MPP4: variants seen among roughly 807,000 people sequenced by gnomAD.
The protein encoded by MPP4 is MAGUK p55 subfamily member 4.
Under a neutral mutation model 98.3 loss-of-function variants are expected in MPP4, and 91 were observed. The ratio of observed to expected loss-of-function variants is 0.93; its 90% CI spans 0.78 to 1.10. The LOEUF (loss-of-function observed/expected upper bound fraction) is 1.10, where lower values mean the gene tolerates loss of function less well. Ranked by LOEUF, MPP4 falls within the 50% of genes least tolerant of loss-of-function variation. The probability of loss-of-function intolerance (pLI) is 0.00; values close to 1 mark genes in which losing one functional copy is unlikely to be tolerated. For synonymous variants in MPP4, 261 were observed against 271.8 expected (o/e 0.96, Z 0.39); for missense variants, 744 against 792.9 (o/e 0.94, Z 0.74).
At chr2:201,646,757 C>T (rs916406895) in intron 21 of MPP4, 3 of 152,164 alleles carry the variant, frequency 2.0e-5, no homozygotes, top group African/African-American at 7.2e-5. Flanking sequence ...TGAAACAATG[C>T]AGAGATTAGC....
chr2:201,665,736 G>A (rs535835411), intron 13 of MPP4: 1 of 152,222 alleles, frequency 6.6e-6, no homozygotes, highest in African/African-American at 2.4e-5. Flanking sequence ...AGCCTGTAAA[G>A]CAAAGACAGA....
At chr2:201,686,121 A>C in intron 5 of MPP4, 71 bp from the exon 6 acceptor site, 1 of 1,544,606 alleles carries the variant, frequency 6.5e-7, no homozygotes, top group South Asian at 1.2e-5. Context: ...ATAGTAACTC[A>C]ATACTATCTA....
chr2:201,691,077 G>A (rs1344223054), intron 3 of MPP4, among the ~76,000 whole-genome samples: 5 of 152,214 alleles, frequency 3.3e-5, no homozygotes, highest in Admixed American at 6.5e-5. Flanking sequence ...CCCGCATTCA[G>A]GTTTACCTGG....
At chr2:201,653,534 G>A (rs936654448) in intron 18 of MPP4, among the ~76,000 whole-genome samples, 9 of 152,160 alleles carry the variant, frequency 5.9e-5, no homozygotes, top group East Asian at 5.8e-4. Flanking sequence ...CACATTCCTC[G>A]TTACAGATGT....
intron 10 of MPP4, chr2:201,680,508 G>T (rs78120244): frequency 5.0e-6 from 1 of 199,656 alleles, no homozygotes; most frequent in Admixed American, 5.3e-5. Context: ...TAAAGGCCCC[G>T]CCTCTTAATA....
intron 13 of MPP4, chr2:201,664,958 G>A (rs1342051139): frequency 6.0e-6 from 1 of 166,880 alleles, no homozygotes; most frequent in African/African-American, 2.4e-5. Context: ...GGAAAAGCCA[G>A]GAACAGAACA....
intron 1 of MPP4, 83 bp downstream of exon 1, chr2:201,698,504 T>C (rs1279776673): frequency 1.9e-6 from 2 of 1,034,804 alleles, no homozygotes; most frequent in Non-Finnish European, 2.7e-6. Context: ...TTTATATCTT[T>C]AGCTATTAAA....
intron 16 of MPP4, among the ~76,000 whole-genome samples, 200 bp from the exon 17 acceptor site, chr2:201,656,568 T>A (rs1204944443): frequency 1.3e-5 from 2 of 152,250 alleles, no homozygotes; most frequent in Non-Finnish European, 2.9e-5. Flanking sequence ...GCACCTGCTC[T>A]GGGCCAGGCA....
intron 1 of MPP4, chr2:201,697,837 T>A: frequency 1.4e-6 from 1 of 694,044 alleles, no homozygotes; most frequent in Non-Finnish European, 1.8e-6. Flanking sequence ...AGGTATTCAG[T>A]AGAGTTAACA....
intron 1 of MPP4, chr2:201,697,868 CTCTTT>C: frequency 1.0e-6 from 1 of 966,340 alleles, no homozygotes; most frequent in Non-Finnish European, 1.2e-6. Flanking sequence ...TCGAGTTTTC[CTCTTT>C]TGTTTCCTTA....
intron 18 of MPP4, among the ~76,000 whole-genome samples, chr2:201,653,390 A>C (rs1210782370): frequency 1.3e-5 from 2 of 151,098 alleles, no homozygotes; most frequent in East Asian, 3.9e-4. Context: ...ACACCCACAC[A>C]CTCTTCCCAC....
intron 4 of MPP4, among the ~76,000 whole-genome samples, chr2:201,688,700 A>G (rs1688907315): frequency 6.7e-6 from 1 of 149,222 alleles, no homozygotes; most frequent in Non-Finnish European, 1.5e-5. Flanking sequence ...TGCAACCTCT[A>G]CTTCCTGGGT....
At chr2:201,698,024 ATAAG>A (rs1353421578) in intron 1 of MPP4, 9 of 985,354 alleles carry the variant, frequency 9.1e-6, no homozygotes, top group African/African-American at 3.5e-5. Flanking sequence ...GAGACTGCAA[ATAAG>A]TAAGCACCCA....
In MPP4 at chr2:201,645,234, A is replaced by C; in HGVS notation, c.1890T>G (p.Ile630Met). The change falls in exon 22 of 22, where the codon ATT (isoleucine) becomes ATG (methionine). Residue 630 changes from isoleucine (I) to methionine (M), a missense_variant. Physicochemically the swap from Ile to Met is conservative, Grantham distance 10. Coordinates refer to ENST00000409474, the MANE Select transcript of MPP4 (RefSeq NM_033066.3). ...CTCATTGAGACTCAGTATCTGAGGA[A>C]ATCCATGTTGCTGGTACCCACTGAG... Reference protein sequence around the residue: ...EEPQWVPATWISSDTESQ With the variant: ...EEPQWVPATWMSSDTESQ 1 of 1,613,384 alleles carries C rather than the reference A, an allele frequency of 6.2e-7. No homozygotes were observed. Among genetic ancestry groups the C allele is most frequent in the Non-Finnish European group, 8.5e-7 (1 of 1,179,614 alleles).
intron 15 of MPP4, among the ~76,000 whole-genome samples, chr2:201,659,649 A>G (rs145350777): frequency 6.6e-6 from 1 of 152,152 alleles, no homozygotes; most frequent in Non-Finnish European, 1.5e-5. Flanking sequence ...CCTACCCAAC[A>G]TGGTGAAACC....
At chr2:201,681,906 C>T (rs532940491) in intron 8 of MPP4, among the ~76,000 whole-genome samples, 22 of 151,970 alleles carry the variant, frequency 1.4e-4, no homozygotes, top group African/African-American at 5.1e-4. Context: ...GGATCTCCAT[C>T]TGACTTTCCC....
chr2:201,698,511 T>C, intron 1 of MPP4, 76 bp downstream of exon 1: 1 of 1,162,276 alleles, frequency 8.6e-7, no homozygotes, highest in Non-Finnish European at 1.2e-6. Flanking sequence ...CTTTAGCTAT[T>C]AAAAACTGAC....
At position 201,664,113 on chromosome 2, in the gene MPP4, C is replaced by A. The variant is rs367664613; in HGVS notation, c.1052-12G>T. ...AAATGTTTCTTCATCTATGATTTTT[C>A]ATGGAGGCAAAAATCAAAAATGTTA... is the stretch of plus-strand genomic sequence containing the variant. On this transcript the variant is annotated splice_polypyrimidine_tract_variant and intron_variant, in intron 13 of 21. Transcript: ENST00000409474. The A allele has an allele frequency of 6.0e-4, 878 of 1,465,466 alleles. 6 individuals are homozygous for A. In the South Asian group the frequency reaches 8.9e-3, roughly 15 times the overall value. The allele number at this position is 1,465,466 out of a possible 1,614,324, so 90.8% of individuals were successfully genotyped here.
intron 17 of MPP4, 32 bp downstream of exon 17, chr2:201,656,163 AAGG>A (rs758076247): frequency 6.5e-7 from 1 of 1,547,278 alleles, no homozygotes; most frequent in Non-Finnish European, 8.8e-7. Context: ...AAGACTTCTC[AAGG>A]AGGAGGAGAG....
Sources: allele counts gnomAD v4.1 joint callset (sites outside exome capture counted in the v4.1 genomes callset), GRCh38; gene constraint gnomAD v4.1.1; transcripts MANE v1.5; gene names NCBI Gene and HGNC (gene_info 2026-07-23, HGNC 2026-07-21).